CCNY: variants seen among roughly 807,000 people sequenced by gnomAD.
CCNY encodes the protein cyclin-Y.
Under a neutral mutation model 42.8 loss-of-function variants are expected in CCNY, and 19 were observed. The ratio of observed to expected loss-of-function variants is 0.44; its 90% CI spans 0.31 to 0.65. The LOEUF (loss-of-function observed/expected upper bound fraction) is 0.65, where lower values mean the gene tolerates loss of function less well. Among genes scored for constraint, CCNY ranks in the 30% least tolerant of loss-of-function variants. The pLI is 0.07. For synonymous variants in CCNY, 165 were observed against 162.7 expected, an observed-to-expected ratio of 1.01 and a Z score of -0.11; for missense variants, 370 against 437.3, an observed-to-expected ratio of 0.85 and a Z score of 1.37.
intron 1 of CCNY, among the ~76,000 whole-genome samples, chr10:35,465,905 A>AAGAGAGAGAGAG (rs56166429): frequency 3.3e-4 from 33 of 99,230 alleles, no homozygotes; most frequent in East Asian, 6.3e-4. Context: ...GGGTAGGGGG[A>AAGAGAGAGAGAG]AGAGAGAGAG....
chr10:35,347,401 A>G (rs1306536237), intron 1 of CCNY: 16 of 978,440 alleles, frequency 1.6e-5, no homozygotes, highest in Non-Finnish European at 1.2e-5. Flanking sequence ...TCTATTTTGG[A>G]TGCCTCTGAT....
chr10:35,335,920 A>ACC (rs1836014822), upstream of CCNY: 2 of 150,308 alleles, frequency 1.3e-5, no homozygotes, highest in African/African-American at 5.0e-5. Flanking sequence ...ACACACACAC[A>ACC]CACACACCTT....
chr10:35,567,662 GAGA>G lies in CCNY; in HGVS notation c.910-1387_910-1385del, dbSNP rs375671658. 2.6e-4 allele frequency among the ~76,000 whole-genome samples: 39 copies of G among 152,298 alleles called. No homozygotes were observed. The East Asian group carries it at 7.1e-3, about 28-fold the overall frequency. On this transcript the variant is annotated intron_variant, in intron 9 of 9. Transcript: ENST00000374704. The stretch of plus-strand genomic sequence containing the variant: ...TGGCCACACGGTGATCTAGAACTGG[GAGA>G]AGAAACCTGTTATGGATTACACGCT...
At chr10:35,443,201 C>T (rs1183712909) in intron 1 of CCNY, among the ~76,000 whole-genome samples, 2 of 152,186 alleles carry the variant, frequency 1.3e-5, no homozygotes, top group Non-Finnish European at 2.9e-5. Context: ...CTACCAGAGA[C>T]TTTGCAAACA....
At chr10:35,468,847 C>G (rs1031749115) in intron 1 of CCNY, among the ~76,000 whole-genome samples, 6 of 152,148 alleles carry the variant, frequency 3.9e-5, no homozygotes, top group Non-Finnish European at 8.8e-5. Context: ...CTGACAGTTA[C>G]CAGTTGCTGG....
chr10:35,542,410 G>A (rs560965336), intron 7 of CCNY, among the ~76,000 whole-genome samples: 108 of 152,138 alleles, frequency 7.1e-4, no homozygotes, highest in Middle Eastern at 6.8e-3. Context: ...CTGAGGTTGT[G>A]TTTGTCAGGT....
chr10:35,535,347 AT>A, intron 7 of CCNY, among the ~76,000 whole-genome samples: 1 of 152,144 alleles, frequency 6.6e-6, no homozygotes, highest in East Asian at 1.9e-4. Context: ...CCAGGGAGTG[AT>A]TACACTCAAC....
Position 35,459,075 on chromosome 10 carries a change from G to A in CCNY, c.155-24329G>A, listed in dbSNP as rs118186535. Reference sequence around the variant, plus strand: ...GCTTAGCATGTGGAGGGAAGCCCACGTCATATTTTGTAAAAAAGCTTATTT... The same window carrying A: ...GCTTAGCATGTGGAGGGAAGCCCACATCATATTTTGTAAAAAAGCTTATTT... On this transcript the variant is annotated intron_variant, in intron 1 of 9. Coordinates refer to ENST00000374704, the MANE Select transcript of CCNY (RefSeq NM_145012.6). Among the ~76,000 whole-genome samples the A allele has an allele frequency of 1.6e-3, 239 of 152,270 alleles. 1 individual carries two copies. The East Asian group carries it at 0.035, about 22-fold the overall frequency.
intron 3 of CCNY, among the ~76,000 whole-genome samples, chr10:35,293,704 C>T (rs944515608): frequency 3.3e-5 from 5 of 151,708 alleles, no homozygotes; most frequent in Admixed American, 2.0e-4. Context: ...CTTAGTATCA[C>T]TTTTTCTTGA....
At chr10:35,255,349 C>T (rs570376468) in intron 3 of CCNY, among the ~76,000 whole-genome samples, 4 of 147,320 alleles carry the variant, frequency 2.7e-5, no homozygotes, top group East Asian at 2.0e-4. Flanking sequence ...GAGACAGAGT[C>T]CCGCTCTGTC....
At chr10:35,254,377 T>A (rs1280514192) in intron 3 of CCNY, among the ~76,000 whole-genome samples, 1 of 152,134 alleles carries the variant, frequency 6.6e-6, no homozygotes, top group African/African-American at 2.4e-5. Flanking sequence ...GTGAAAAAAA[T>A]TATGCTGTAA....
intron 3 of CCNY, among the ~76,000 whole-genome samples, chr10:35,269,141 C>A (rs1167896340): frequency 6.6e-6 from 1 of 152,070 alleles, no homozygotes; most frequent in African/African-American, 2.4e-5. Flanking sequence ...TTTTTACATA[C>A]TGCCTCCCTT....
chr10:35,543,281 A>G (rs1033298890), intron 7 of CCNY, among the ~76,000 whole-genome samples: 1 of 152,226 alleles, frequency 6.6e-6, no homozygotes, highest in Non-Finnish European at 1.5e-5. Flanking sequence ...TCAGGGTACA[A>G]TGCAAAATCA....
chr10:35,568,361 C>T (rs1841613162), intron 9 of CCNY, among the ~76,000 whole-genome samples: 1 of 152,204 alleles, frequency 6.6e-6, no homozygotes, highest in South Asian at 2.1e-4. Flanking sequence ...ATAATCAAAG[C>T]CTGGGACAGT....
intron 7 of CCNY, among the ~76,000 whole-genome samples, chr10:35,544,139 G>A (rs1392750879): frequency 2.0e-5 from 3 of 152,098 alleles, no homozygotes; most frequent in Non-Finnish European, 4.4e-5. Flanking sequence ...GAGCCTAAAT[G>A]TACAGCATTT....
intron 1 of CCNY, among the ~76,000 whole-genome samples, chr10:35,421,331 T>C (rs1290680240): frequency 6.6e-6 from 1 of 152,200 alleles, no homozygotes; most frequent in Non-Finnish European, 1.5e-5. Flanking sequence ...AGGCACGGTT[T>C]ATCATGGGTG....
chr10:35,532,723 G>A (rs1326520499), intron 7 of CCNY, among the ~76,000 whole-genome samples: 2 of 152,200 alleles, frequency 1.3e-5, no homozygotes. Context: ...TGGGCAGAAA[G>A]GCCTTGGCAT....
intron 1 of CCNY, among the ~76,000 whole-genome samples, chr10:35,366,736 G>A (rs1836815527): frequency 6.6e-6 from 1 of 152,222 alleles, no homozygotes; most frequent in African/African-American, 2.4e-5. Context: ...TGTGATGATG[G>A]AAATGTTATA....
intron 8 of CCNY, 138 bp from the exon 9 acceptor site, chr10:35,565,885 A>C: frequency 2.4e-6 from 2 of 845,864 alleles, no homozygotes; most frequent in Non-Finnish European, 3.8e-6. Context: ...ATGGTGGTCT[A>C]ACCAGACATT....
Sources: allele counts gnomAD v4.1 joint callset (sites outside exome capture counted in the v4.1 genomes callset), GRCh38; gene constraint gnomAD v4.1.1; transcripts MANE v1.5; gene names NCBI Gene and HGNC (gene_info 2026-07-23, HGNC 2026-07-21).